The following KIRREL3 variants were observed in gnomAD, a reference collection of about 807,000 sequenced individuals.
KIRREL3 encodes kirre like nephrin family adhesion molecule 3.
In KIRREL3, 36 loss-of-function variants were observed where a neutral mutation model predicts 89.7. That is an observed-to-expected ratio of 0.40 (90% CI 0.31 to 0.53). The LOEUF (loss-of-function observed/expected upper bound fraction) is 0.53. Ranked by LOEUF, KIRREL3 falls within the 20% of genes least tolerant of loss-of-function variation. The pLI is 0.49. For synonymous variants in KIRREL3, 445 were observed against 441.4 expected (o/e 1.01, Z -0.10); for missense variants, 864 against 1,056.6 (o/e 0.82, Z 2.53).
At chr11:126,450,547 A>ATG (rs886937667) in intron 7 of KIRREL3, among the ~76,000 whole-genome samples, 5 of 120,406 alleles carry the variant, frequency 4.2e-5, no homozygotes, top group Non-Finnish European at 7.0e-5. Flanking sequence ...ATGTGTGTCA[A>ATG]TGTGCATGTG....
chr11:126,441,019 C>T lies in KIRREL3; in HGVS notation c.1253-470G>A. On this transcript the variant is annotated intron_variant, in intron 10 of 16. Coordinates refer to ENST00000525144, the MANE Select transcript of KIRREL3 (RefSeq NM_032531.4). The surrounding 1 kb of genome is among the most constrained non-coding windows in gnomAD (Gnocchi z 5.0). Reference sequence around the variant, plus strand: ...TCCTCAGATATCCAGTAGAGGGCGCCCTTGCCTAACAAATGGGAGCTGCTC... The same window carrying T: ...TCCTCAGATATCCAGTAGAGGGCGCTCTTGCCTAACAAATGGGAGCTGCTC... 5.6e-6 allele frequency: 1 copy of T among 178,024 alleles called. No homozygotes were observed. The highest frequency in any genetic ancestry group is 1.1e-4 in the South Asian group (1 of 8,972). 11.0% of individuals were successfully genotyped at this position (178,024 alleles called of 1,614,324 possible).
chr11:126,875,893 A>G (rs1395185911), intron 1 of KIRREL3, among the ~76,000 whole-genome samples: 3 of 152,358 alleles, frequency 2.0e-5, no homozygotes, highest in Non-Finnish European at 4.4e-5. Flanking sequence ...TGAAATGAAT[A>G]CTTTGAGGGA....
At chr11:126,679,899 TA>T (rs1209878374) in intron 1 of KIRREL3, among the ~76,000 whole-genome samples, 3 of 152,128 alleles carry the variant, frequency 2.0e-5, no homozygotes, top group Non-Finnish European at 4.4e-5. Context: ...GAATTTGAGT[TA>T]AAAGACCACC....
chr11:126,839,658 C>T (rs1463742905), intron 1 of KIRREL3, among the ~76,000 whole-genome samples: 3 of 152,116 alleles, frequency 2.0e-5, no homozygotes, highest in Admixed American at 6.5e-5. Flanking sequence ...GGCAAACAAT[C>T]GAGGCCATTG....
intron 4 of KIRREL3, among the ~76,000 whole-genome samples, chr11:126,505,858 G>A (rs962372996): frequency 3.3e-5 from 5 of 152,212 alleles, no homozygotes; most frequent in African/African-American, 4.8e-5. Flanking sequence ...ACTCAATATT[G>A]TTAAGGTGGC....
At chr11:126,713,397 T>A (rs1565670983) in intron 1 of KIRREL3, among the ~76,000 whole-genome samples, 1 of 152,108 alleles carries the variant, frequency 6.6e-6, no homozygotes. Context: ...GGGCCCCAGA[T>A]GTGAAGCGCC....
In KIRREL3 at chr11:126,689,041, GAAGAGA is replaced by G. The variant is rs1382291528; in HGVS notation, c.56-126135_56-126130del. Among the ~76,000 whole-genome samples the G allele has an allele frequency of 1.1e-4, 14 of 129,414 alleles. No individual in the cohort carries two copies. Among genetic ancestry groups the G allele is most frequent in the Non-Finnish European group, 1.9e-4 (12 of 62,886 alleles). The allele number at this position is 129,414 out of a possible 152,430, so 84.9% of individuals were successfully genotyped here. A position where few individuals can be genotyped will look rare whatever the true frequency, so the allele number is the denominator to read the frequency against. ...TATGTGTGTGTGTGTAAGGGGGAGA[GAAGAGA>G]GAGAGAGAGAGAGAGAGAGAGAGAG... On this transcript the variant is annotated intron_variant, in intron 1 of 16. Coordinates refer to ENST00000525144, the MANE Select transcript of KIRREL3 (RefSeq NM_032531.4). The surrounding 1 kb of genome is among the most constrained non-coding windows in gnomAD (Gnocchi z 5.2).
Position 126,639,550 on chromosome 11 carries a change from T to C in KIRREL3, c.56-76638A>G, listed in dbSNP as rs954291753. Among the ~76,000 whole-genome samples, 4 of 152,282 alleles carry C rather than the reference T, an allele frequency of 2.6e-5. No individual in the cohort carries two copies. The highest frequency in any genetic ancestry group is 1.9e-4 in the East Asian group (1 of 5,186). ...AAGGCAGATGCTAACCAACCACCAA[T>C]TGCATCCCAGGACAGTTGCTGAAAG... is the stretch of plus-strand genomic sequence containing the variant. On this transcript the variant is annotated intron_variant, in intron 1 of 16. Coordinates refer to ENST00000525144, the MANE Select transcript of KIRREL3 (RefSeq NM_032531.4). This position sits in a 1 kb window ranked among gnomAD's most constrained non-coding sequence, Gnocchi z 4.3.
At chr11:126,660,273 T>C (rs1368772726) in intron 1 of KIRREL3, among the ~76,000 whole-genome samples, 2 of 152,188 alleles carry the variant, frequency 1.3e-5, no homozygotes, top group Non-Finnish European at 2.9e-5. Flanking sequence ...CTGTCACTTG[T>C]GGTGCAGTTG....
intron 2 of KIRREL3, among the ~76,000 whole-genome samples, chr11:126,543,330 G>A (rs1050621934): frequency 6.6e-6 from 1 of 152,196 alleles, no homozygotes; most frequent in Non-Finnish European, 1.5e-5. Flanking sequence ...AGGAGGGGAA[G>A]CTTTCTGCTT....
In KIRREL3 at chr11:126,628,236, C is replaced by T. The variant is rs555509108; in HGVS notation, c.56-65324G>A. Among the ~76,000 whole-genome samples the T allele has an allele frequency of 6.6e-6, 1 of 152,326 alleles. No homozygotes were observed. Among genetic ancestry groups the T allele is most frequent in the East Asian group, 1.9e-4 (1 of 5,174 alleles). ...AGCACTCATCAAGACCTGCTCACCA[C>T]CCACCAATCCTGTCAGACTCTTTCT... On this transcript the variant is annotated intron_variant, in intron 1 of 16. Transcript: ENST00000525144. The surrounding 1 kb of genome is among the most constrained non-coding windows in gnomAD (Gnocchi z 5.2).
In KIRREL3 at chr11:126,668,754, T is replaced by A. The variant is rs1401496573; in HGVS notation, c.56-105842A>T. 6.9e-6 allele frequency among the ~76,000 whole-genome samples: 1 copy of A among 144,492 alleles called. No homozygotes were observed. The highest frequency in any genetic ancestry group is 2.5e-5 in the African/African-American group (1 of 40,080). The allele number at this position is 144,492 out of a possible 152,430, so 94.8% of individuals were successfully genotyped here. ...CTTTCTTTCTTTCTTTCTTTCTTTC[T>A]TTTTTCTCTTTCTTTCTTTCAAAAA... On this transcript the variant is annotated intron_variant, in intron 1 of 16. Coordinates refer to ENST00000525144, the MANE Select transcript of KIRREL3 (RefSeq NM_032531.4). The surrounding 1 kb of genome is among the most constrained non-coding windows in gnomAD (Gnocchi z 4.4).
intron 1 of KIRREL3, chr11:126,920,599 T>A (rs985411192): frequency 1.2e-4 from 18 of 152,346 alleles, no homozygotes; most frequent in African/African-American, 4.3e-4. Context: ...TTTTTCCTGA[T>A]CTTACTTGGC....
intron 13 of KIRREL3, 79 bp downstream of exon 13, chr11:126,435,189 C>T (rs188475414): frequency 4.1e-6 from 6 of 1,474,298 alleles, no homozygotes; most frequent in East Asian, 2.3e-5. Context: ...CTCCCTACCC[C>T]CTGCTGGGTT....
Position 126,541,352 on chromosome 11 carries a change from CA to C in KIRREL3, c.134-14666del. ...ATGCAAGGTTTAAGCGCCTTCCTCCCAACCCTAATGCTTGATGTTCTAACTT... is the reference window on the plus strand; with the variant it reads ...ATGCAAGGTTTAAGCGCCTTCCTCCCACCCTAATGCTTGATGTTCTAACTT... On this transcript the variant is annotated intron_variant, in intron 2 of 16. Transcript: ENST00000525144. This position sits in a 1 kb window ranked among gnomAD's most constrained non-coding sequence, Gnocchi z 4.8. Among the ~76,000 whole-genome samples, 2 of 152,112 alleles carry C rather than the reference CA, an allele frequency of 1.3e-5. No homozygotes were observed. Among genetic ancestry groups the C allele is most frequent in the Non-Finnish European group, 2.9e-5 (2 of 68,026 alleles).
chr11:126,503,979 G>T (rs1171690805), intron 4 of KIRREL3, among the ~76,000 whole-genome samples: 1 of 152,126 alleles, frequency 6.6e-6, no homozygotes, highest in Non-Finnish European at 1.5e-5. Flanking sequence ...TATAGTATTT[G>T]TTATAGCAGC....
chr11:126,966,536 G>A (rs1363291091), intron 1 of KIRREL3, among the ~76,000 whole-genome samples: 4 of 152,132 alleles, frequency 2.6e-5, no homozygotes, highest in Non-Finnish European at 4.4e-5. Context: ...ACTTTAGGCC[G>A]CAGAACCGTG....
At chr11:126,672,597 T>G (rs1293799777) in intron 1 of KIRREL3, among the ~76,000 whole-genome samples, 1 of 152,192 alleles carries the variant, frequency 6.6e-6, no homozygotes, top group Admixed American at 6.5e-5. Context: ...ACAGGGGATG[T>G]TTTTAAGGCC....
intron 2 of KIRREL3, among the ~76,000 whole-genome samples, chr11:126,549,030 T>A (rs1762394716): frequency 6.6e-6 from 1 of 152,202 alleles, no homozygotes; most frequent in Non-Finnish European, 1.5e-5. Context: ...TGTTTTGAGA[T>A]CCTTTTATGA....
Sources: allele counts gnomAD v4.1 joint callset (sites outside exome capture counted in the v4.1 genomes callset), GRCh38; gene constraint gnomAD v4.1.1; non-coding constraint Gnocchi (gnomAD v3.1); transcripts MANE v1.5; gene names NCBI Gene and HGNC (gene_info 2026-07-23, HGNC 2026-07-21).